Variants in DNAJC17 observed in about 807,000 individuals in gnomAD.
DNAJC17 encodes dnaJ homolog subfamily C member 17.
Under a neutral mutation model 48.1 loss-of-function variants are expected in DNAJC17, and 35 were observed. The observed-to-expected ratio is 0.73, with a 90% CI of 0.56 to 0.96. DNAJC17 has a LOEUF of 0.96. DNAJC17 is among the 50% of genes least tolerant of loss of function. DNAJC17 has a pLI of 0.00. For missense variants in DNAJC17, 355 were observed against 377.1 expected (o/e 0.94, Z 0.48); for synonymous variants, 117 against 142.7 (o/e 0.82, Z 1.28).
chr15:40,772,496 G>A (rs1596074244), intron 10 of DNAJC17: 1 of 165,844 alleles, frequency 6.0e-6, no homozygotes, highest in Non-Finnish European at 1.5e-5. Context: ...ACTTGAAGGT[G>A]GGAATGAGGT....
rs372401206 is a variant in DNAJC17, at chr15:40,771,008, C to T, written c.792+2719G>A. ...AGATGCTAAGGGAGCAGTTTCCTAG[C>T]GAGCCCAGCTTCTAAATGGGGTGAG... is the stretch of plus-strand genomic sequence containing the variant. On this transcript the variant is annotated intron_variant, in intron 10 of 10. Coordinates refer to ENST00000220496, the MANE Select transcript of DNAJC17 (RefSeq NM_018163.3). The T allele has an allele frequency of 1.8e-3, 2,830 of 1,550,636 alleles. 4 individuals are homozygous for T. The highest frequency in any genetic ancestry group is 3.0e-3 in the Admixed American group (153 of 50,986).
At chr15:40,806,688 T>C (rs967542092) in intron 1 of DNAJC17, among the ~76,000 whole-genome samples, 1 of 152,114 alleles carries the variant, frequency 6.6e-6, no homozygotes, top group African/African-American at 2.4e-5. Flanking sequence ...CAGGGGGAGA[T>C]AAAAGAAATC....
rs1208277052 is a variant in DNAJC17 at position 40,770,705 on chromosome 15, G to A, written c.793-2643C>T. ...GGCGCCTGCCACTGTGGGGGGACGA[G>A]CAGCCCCGGGCCACCCTGCTGGCCC... On this transcript the variant is annotated intron_variant, in intron 10 of 10. Transcript: ENST00000220496. This position sits in a 1 kb window ranked among gnomAD's most constrained non-coding sequence, Gnocchi z 5.0. 1 of 1,547,010 alleles carries A rather than the reference G, an allele frequency of 6.5e-7. No individual in the cohort carries two copies. The highest frequency in any genetic ancestry group is 2.4e-5 in the East Asian group (1 of 40,908).
intron 1 of DNAJC17, among the ~76,000 whole-genome samples, chr15:40,786,443 C>T (rs751795318): frequency 1.1e-4 from 16 of 152,248 alleles, no homozygotes; most frequent in South Asian, 6.2e-4. Flanking sequence ...GCGGGAGGAT[C>T]GCTTGAGCCC....
intron 1 of DNAJC17, among the ~76,000 whole-genome samples, chr15:40,794,650 C>T (rs1430036770): frequency 6.6e-6 from 1 of 152,084 alleles, no homozygotes; most frequent in East Asian, 1.9e-4. Context: ...TTGGCTGGGG[C>T]AAAGCGAGAC....
Position 40,779,615 on chromosome 15 carries a change from G to C in DNAJC17, c.149-12C>G, listed in dbSNP as rs373748964. On this transcript the variant is annotated splice_polypyrimidine_tract_variant and intron_variant, in intron 2 of 10. Transcript: ENST00000220496. ...GTGGAAGAGTTCAGCTAAACATAAG[G>C]ATCAAAAAGACAGAAGAAAAATAAA... 1 of 1,613,086 alleles carries C rather than the reference G, an allele frequency of 6.2e-7. No individual in the cohort carries two copies. The highest frequency in any genetic ancestry group is 1.3e-5 in the African/African-American group (1 of 74,650).
At position 40,766,228 on chromosome 15, in the gene DNAJC17, C is replaced by T. The variant is rs536730352; in HGVS notation, c.*1712G>A. The T allele has an allele frequency of 3.2e-4, 72 of 224,190 alleles. No homozygotes were observed. Among genetic ancestry groups the T allele is most frequent in the Non-Finnish European group, 5.4e-4 (62 of 115,282 alleles). The allele number at this position is 224,190 out of a possible 1,614,324, so 13.9% of individuals were successfully genotyped here. A position where few individuals can be genotyped will look rare whatever the true frequency, so the allele number is the denominator to read the frequency against. ...GCCCTGCCCTCTCCTAAGCTGGACC[C>T]CATCAAGGACAGACAGGCACAGAGA... On this transcript the variant is annotated 3_prime_UTR_variant, in exon 11 of 11. Transcript: ENST00000220496.
chr15:40,801,055 C>T (rs1036127449), intron 1 of DNAJC17, among the ~76,000 whole-genome samples: 4 of 152,046 alleles, frequency 2.6e-5, no homozygotes, highest in East Asian at 1.9e-4. Flanking sequence ...TCCTGAGAGA[C>T]GCAGTGACTG....
chr15:40,774,830 G>T, intron 8 of DNAJC17: 1 of 628,406 alleles, frequency 1.6e-6, no homozygotes, highest in Non-Finnish European at 2.8e-6. Context: ...CAGCGGGCTG[G>T]AAGGGGGCAC....
intron 10 of DNAJC17, among the ~76,000 whole-genome samples, 161 bp from the exon 11 acceptor site, chr15:40,768,223 G>A (rs545606793): frequency 1.3e-5 from 2 of 152,128 alleles, no homozygotes; most frequent in South Asian, 2.1e-4. Context: ...ATCCTGGCTC[G>A]CCTGTGTCCC....
intron 1 of DNAJC17, chr15:40,780,399 G>A (rs1281038498): frequency 1.5e-5 from 7 of 453,812 alleles, no homozygotes; most frequent in African/African-American, 1.2e-4. Context: ...CTTTCCCTTT[G>A]ACCCAAGTCC....
At position 40,770,096 on chromosome 15, in the gene DNAJC17, C is replaced by T; in HGVS notation, c.793-2034G>A. The T allele has an allele frequency of 4.9e-6, 1 of 203,106 alleles. No individual in the cohort carries two copies. The highest frequency in any genetic ancestry group is 9.2e-5 in the South Asian group (1 of 10,864). The allele number at this position is 203,106 out of a possible 1,614,324, so 12.6% of individuals were successfully genotyped here. A position where few individuals can be genotyped will look rare whatever the true frequency, so the allele number is the denominator to read the frequency against. On this transcript the variant is annotated intron_variant, in intron 10 of 10. Transcript: ENST00000220496. The surrounding 1 kb of genome is among the most constrained non-coding windows in gnomAD (Gnocchi z 5.0). Reference sequence around the variant, plus strand: ...AGGGCGAGTGAGCTCGGGCCATCTGCTGCCTGCCTGTGGAAGGAGCGCTCG... The same window carrying T: ...AGGGCGAGTGAGCTCGGGCCATCTGTTGCCTGCCTGTGGAAGGAGCGCTCG...
At position 40,766,158 on chromosome 15, in the gene DNAJC17, G is replaced by C. The variant is rs1888944560; in HGVS notation, c.*1782C>G. 2.8e-6 allele frequency: 1 copy of C among 357,442 alleles called. No individual in the cohort carries two copies. The highest frequency in any genetic ancestry group is 2.1e-5 in the African/African-American group (1 of 47,840). 22.1% of individuals were successfully genotyped at this position (357,442 alleles called of 1,614,324 possible). A position where few individuals can be genotyped will look rare whatever the true frequency, so the allele number is the denominator to read the frequency against. ...CATCCTTACTGGAACCGCAGAAACAGAGTCCGTTCCCTGGGTCTAGGACTC... is the reference window on the plus strand; with the variant it reads ...CATCCTTACTGGAACCGCAGAAACACAGTCCGTTCCCTGGGTCTAGGACTC... On this transcript the variant is annotated 3_prime_UTR_variant, in exon 11 of 11. Transcript: ENST00000220496.
Position 40,767,274 on chromosome 15 carries a change from G to A in DNAJC17, c.*666C>T, listed in dbSNP as rs746723138. 2 of 1,604,460 alleles carry A rather than the reference G, an allele frequency of 1.2e-6. No homozygotes were observed. The highest frequency in any genetic ancestry group is 1.7e-6 in the Non-Finnish European group (2 of 1,175,602). On this transcript the variant is annotated 3_prime_UTR_variant, in exon 11 of 11. Transcript: ENST00000220496. ...CTCCCCGCATAGTCCTGGACAAGCT[G>A]GAACGCAGGGGCTTCCGTGTGCTGA...
At chr15:40,793,849 G>T (rs938777488) in intron 1 of DNAJC17, among the ~76,000 whole-genome samples, 1 of 151,920 alleles carries the variant, frequency 6.6e-6, no homozygotes, top group African/African-American at 2.4e-5. Context: ...GGAAACCAAG[G>T]TACAGAGCGG....
At chr15:40,783,870 T>A (rs1415200197) in intron 1 of DNAJC17, among the ~76,000 whole-genome samples, 2 of 151,562 alleles carry the variant, frequency 1.3e-5, no homozygotes, top group African/African-American at 4.9e-5. Context: ...CTCAAAAAAA[T>A]AAAATAAAAG....
At position 40,805,542 on chromosome 15, in the gene DNAJC17, G is replaced by A. The variant is rs1244225588; in HGVS notation, c.78+1827C>T. ...AGCCTGGGCGACAGAGCGAGACTCCGTCTCAAAAAATAATAATAGGCCGGG... is the reference window on the plus strand; with the variant it reads ...AGCCTGGGCGACAGAGCGAGACTCCATCTCAAAAAATAATAATAGGCCGGG... On this transcript the variant is annotated intron_variant, in intron 1 of 10. Coordinates refer to ENST00000220496, the MANE Select transcript of DNAJC17 (RefSeq NM_018163.3). Among the ~76,000 whole-genome samples the A allele has an allele frequency of 3.3e-5, 5 of 151,206 alleles. No individual in the cohort carries two copies. The East Asian group carries it at 5.9e-4, about 18-fold the overall frequency.
chr15:40,783,830 C>T (rs113633149), intron 1 of DNAJC17, among the ~76,000 whole-genome samples: 7,675 of 151,988 alleles, frequency 0.05, 664 homozygotes, highest in African/African-American at 0.18. Context: ...GTCACTGTAC[C>T]CCAGCCTGGG....
rs111387223 is a variant in DNAJC17, at chr15:40,779,159, G to A, written c.295+64C>T. ...AGTTGCTGGAAGTGAAGCTTCAGGT[G>A]AGGGAGATGAATGAAAATGACCACA... On this transcript the variant is annotated intron_variant, in intron 4 of 10. Coordinates refer to ENST00000220496, the MANE Select transcript of DNAJC17 (RefSeq NM_018163.3). The A allele has an allele frequency of 8.0e-4, 1,197 of 1,492,470 alleles. 8 individuals carry two copies. In the African/African-American group the frequency reaches 0.015, roughly 19 times the overall value. 92.5% of individuals were successfully genotyped at this position (1,492,470 alleles called of 1,614,324 possible).
Sources: gnomAD v4.1 joint callset for allele counts (sites outside exome capture counted in the v4.1 genomes callset) on GRCh38, gnomAD v4.1.1 for gene constraint, Gnocchi (gnomAD v3.1) non-coding constraint, MANE v1.5 for transcripts, NCBI Gene and HGNC (gene_info 2026-07-23, HGNC 2026-07-21) for gene names.